The following SAXO2 variants were observed in gnomAD, a reference collection of about 807,000 sequenced individuals.
SAXO2 encodes stabilizer of axonemal microtubules 2.
SAXO2 carries 17 observed loss-of-function variants against 18.7 expected under a neutral mutation model. That is an observed-to-expected ratio of 0.91 (90% CI 0.62 to 1.36). The LOEUF is 1.36. Ranked by LOEUF, SAXO2 falls within the 40% of genes most tolerant of loss-of-function variation. The pLI, the probability that SAXO2 is intolerant of heterozygous loss-of-function variation, is 0.00. For synonymous variants in SAXO2, 163 were observed against 181.2 expected, an observed-to-expected ratio of 0.90 and a Z score of 0.81; for missense variants, 486 against 562.6, an observed-to-expected ratio of 0.86 and a Z score of 1.38.
chr15:82,263,869 T>C (rs1405649339), intron 1 of SAXO2, among the ~76,000 whole-genome samples: 1 of 152,128 alleles, frequency 6.6e-6, no homozygotes, highest in Non-Finnish European at 1.5e-5. Context: ...TGATTTTACT[T>C]CTTGTTTGTT....
chr15:82,276,854 A>T (rs2075319644), intron 3 of SAXO2, among the ~76,000 whole-genome samples: 1 of 152,236 alleles, frequency 6.6e-6, no homozygotes. Flanking sequence ...TTAAAAGGAA[A>T]CTTATTCCAG....
At chr15:82,267,147 GAC>G (rs1321615997) in intron 2 of SAXO2, among the ~76,000 whole-genome samples, 2 of 152,186 alleles carry the variant, frequency 1.3e-5, no homozygotes, top group Non-Finnish European at 2.9e-5. Flanking sequence ...GCATGCCAGT[GAC>G]ACAGCCTCAG....
chr15:82,267,081 A>T (rs115465205), intron 2 of SAXO2, among the ~76,000 whole-genome samples: 1 of 152,188 alleles, frequency 6.6e-6, no homozygotes, highest in Non-Finnish European at 1.5e-5. Flanking sequence ...TGAACCCCAA[A>T]TATCTGAGAT....
In SAXO2 at chr15:82,284,525, C is replaced by T. The variant is rs1436710480; in HGVS notation, c.*1463C>T. On this transcript the variant is annotated 3_prime_UTR_variant, in exon 4 of 4. Transcript: ENST00000682753. Reference sequence around the variant, plus strand: ...GCCAAGTCACTGTTTAGAGGAAGAACCAGCCCCAGCAGGGGGCATAATCAC... The same window carrying T: ...GCCAAGTCACTGTTTAGAGGAAGAATCAGCCCCAGCAGGGGGCATAATCAC... 1 of 151,940 alleles carries T rather than the reference C, an allele frequency of 6.6e-6. No homozygotes were observed. The highest frequency in any genetic ancestry group is 1.5e-5 in the Non-Finnish European group (1 of 67,992). 9.4% of individuals were successfully genotyped at this position (151,940 alleles called of 1,614,324 possible).
At chr15:82,266,674 C>A (rs180851025) in intron 2 of SAXO2, among the ~76,000 whole-genome samples, 1 of 152,168 alleles carries the variant, frequency 6.6e-6, no homozygotes, top group Non-Finnish European at 1.5e-5. Context: ...TAGATCTCAA[C>A]TAAATTATCA....
Position 82,262,899 on chromosome 15 carries a change from G to C in SAXO2, c.20G>C (p.Arg7Thr). The change falls in exon 1 of 4, where the codon AGG becomes ACG. Residue 7 changes from arginine (R) to threonine (T), a missense_variant. Physicochemically the swap from Arg to Thr is moderately conservative, Grantham distance 71. Transcript: ENST00000682753. MGAKSM[R>T]SWCLCQICSC... ...GAAAGCATGGGAGCCAAGAGTATGA[G>C]GAGCTGGTGTCTGTGTCAGATTTGT... is the stretch of plus-strand genomic sequence containing the variant. 6.2e-7 allele frequency: 1 copy of C among 1,603,596 alleles called. No individual in the cohort carries two copies. The highest frequency in any genetic ancestry group is 8.5e-7 in the Non-Finnish European group (1 of 1,175,052).
chr15:82,276,061 C>T (rs2075312229), intron 3 of SAXO2, among the ~76,000 whole-genome samples: 1 of 152,150 alleles, frequency 6.6e-6, no homozygotes, highest in East Asian at 1.9e-4. Context: ...TCTCAGCATA[C>T]AAAATCAATG....
Position 82,282,813 on chromosome 15 carries a change from G to C in SAXO2, c.1128G>C (p.Leu376Phe), listed in dbSNP as rs769007476. 9 of 1,613,818 alleles carry C rather than the reference G, an allele frequency of 5.6e-6. No homozygotes were observed. In the African/African-American group the frequency reaches 1.1e-4, roughly 19 times the overall value. Reference protein sequence around the residue: ...IPNPSGKFDGLSTFRSHYVPH... With the variant: ...IPNPSGKFDGFSTFRSHYVPH... The stretch of plus-strand genomic sequence containing the variant: ...ACCCATCTGGAAAATTTGATGGTTT[G>C]AGCACTTTCAGATCTCACTATGTGC... Residue 376 changes from leucine (L) to phenylalanine (F), a missense_variant, in exon 4 of 4, where the codon TTG (leucine) becomes TTC (phenylalanine). Coordinates refer to ENST00000682753, the MANE Select transcript of SAXO2 (RefSeq NM_001348699.2).
chr15:82,264,591 A>G, intron 1 of SAXO2: 1 of 695,242 alleles, frequency 1.4e-6, no homozygotes, highest in Admixed American at 2.1e-5. Context: ...AAAGGAATTT[A>G]TTAAGGAGTA....
At chr15:82,269,540 C>A (rs575049729) in intron 2 of SAXO2, among the ~76,000 whole-genome samples, 1 of 152,164 alleles carries the variant, frequency 6.6e-6, no homozygotes, top group Admixed American at 6.5e-5. Context: ...CTATGTCCTA[C>A]AGTAATAAGA....
chr15:82,266,428 C>A (rs2075219103), intron 2 of SAXO2, among the ~76,000 whole-genome samples: 1 of 152,210 alleles, frequency 6.6e-6, no homozygotes, highest in Non-Finnish European at 1.5e-5. Context: ...TTCCCATTAT[C>A]TTTAATATAA....
At chr15:82,279,486 G>A (rs1442231542) in intron 3 of SAXO2, among the ~76,000 whole-genome samples, 1 of 152,098 alleles carries the variant, frequency 6.6e-6, no homozygotes, top group African/African-American at 2.4e-5. Flanking sequence ...ATTAATTGGG[G>A]CATGCTAAGT....
At chr15:82,265,441 C>A in intron 1 of SAXO2, 128 bp from the exon 2 acceptor site, 1 of 593,194 alleles carries the variant, frequency 1.7e-6, no homozygotes, top group Non-Finnish European at 2.4e-6. Flanking sequence ...TGTGCCCGGC[C>A]CAGTTTTTGG....
intron 2 of SAXO2, among the ~76,000 whole-genome samples, 187 bp downstream of exon 2, chr15:82,265,935 CAA>C (rs919139931): frequency 1.3e-4 from 20 of 150,136 alleles, no homozygotes; most frequent in African/African-American, 4.9e-4. Flanking sequence ...GTTAGGTTGA[CAA>C]AGTGTGAGAA....
At chr15:82,268,836 T>G (rs1401622889) in intron 2 of SAXO2, among the ~76,000 whole-genome samples, 2 of 152,238 alleles carry the variant, frequency 1.3e-5, no homozygotes, top group African/African-American at 4.8e-5. Flanking sequence ...CCTCTACTAC[T>G]ACTCCATAGA....
At chr15:82,263,293 G>A in intron 1 of SAXO2, 2 of 1,297,256 alleles carry the variant, frequency 1.5e-6, no homozygotes, top group South Asian at 2.6e-5. Context: ...CCACCACGAA[G>A]ATGAGAAAGA....
Position 82,271,640 on chromosome 15 carries a change from C to T in SAXO2, c.271C>T (p.Arg91Cys), listed in dbSNP as rs113862980. 28 of 1,613,756 alleles carry T rather than the reference C, an allele frequency of 1.7e-5. 1 individual carries two copies. Among genetic ancestry groups the T allele is most frequent in the African/African-American group, 1.1e-4 (8 of 75,044 alleles). Reference protein sequence around the residue: ...YCPYEIVKQPRHVPEEYKPKQ... With the variant: ...YCPYEIVKQPCHVPEEYKPKQ... The stretch of plus-strand genomic sequence containing the variant: ...TCCTTATGAAATAGTTAAACAGCCT[C>T]GCCATGTGCCAGAAGAATATAAACC... The change falls in exon 3 of 4, where the codon CGC becomes TGC. Residue 91 changes from arginine (R) to cysteine (C), a missense_variant. Coordinates refer to ENST00000682753, the MANE Select transcript of SAXO2 (RefSeq NM_001348699.2).
At chr15:82,277,627 A>G (rs1459202259) in intron 3 of SAXO2, among the ~76,000 whole-genome samples, 1 of 152,204 alleles carries the variant, frequency 6.6e-6, no homozygotes, top group African/African-American at 2.4e-5. Flanking sequence ...AATCTACAAA[A>G]TCATAAATGT....
rs534200593 is a variant in SAXO2 at position 82,282,966 on chromosome 15, C to T, written c.1281C>T (p.Ala427=). The part of the protein sequence containing the change: ...YTPKRQEICP[A]SYPSPPGYIF... Reference sequence around the variant, plus strand: ...CGAAAAGACAGGAAATTTGCCCAGCCAGCTATCCCTCTCCTCCAGGTTATA... The same window carrying T: ...CGAAAAGACAGGAAATTTGCCCAGCTAGCTATCCCTCTCCTCCAGGTTATA... Residue 427 remains alanine, a synonymous_variant, in exon 4 of 4, where the codon GCC becomes GCT. Transcript: ENST00000682753. 1.9e-6 allele frequency: 3 copies of T among 1,614,126 alleles called. No individual in the cohort carries two copies. Among genetic ancestry groups the T allele is most frequent in the East Asian group, 2.2e-5 (1 of 44,870 alleles).
Sources: gnomAD v4.1 joint callset for allele counts (sites outside exome capture counted in the v4.1 genomes callset) on GRCh38, gnomAD v4.1.1 for gene constraint, MANE v1.5 for transcripts, NCBI Gene and HGNC (gene_info 2026-07-23, HGNC 2026-07-21) for gene names.